The following TMEM244 variants were observed in gnomAD, a reference collection of about 807,000 sequenced individuals.
The protein encoded by TMEM244 is putative transmembrane protein 244.
A neutral mutation model predicts 15.8 loss-of-function variants in TMEM244; 13 were observed. That is an observed-to-expected ratio of 0.82 (90% CI 0.53 to 1.30). The LOEUF is 1.30. Among genes scored for constraint, TMEM244 ranks in the 50% most tolerant of loss-of-function variants. The probability of loss-of-function intolerance (pLI) is 0.00; values close to 1 mark genes in which losing one functional copy is unlikely to be tolerated. For synonymous variants in TMEM244, 45 were observed against 48.7 expected, an observed-to-expected ratio of 0.92 and a Z score of 0.32; for missense variants, 161 against 144.9, an observed-to-expected ratio of 1.11 and a Z score of -0.57.
intron 2 of TMEM244, among the ~76,000 whole-genome samples, chr6:129,845,412 G>T (rs1479407696): frequency 6.6e-6 from 1 of 152,140 alleles, no homozygotes; most frequent in African/African-American, 2.4e-5. Flanking sequence ...AGTCCTAAGT[G>T]ATTCTATCCA....
intron 3 of TMEM244, among the ~76,000 whole-genome samples, chr6:129,837,496 C>T (rs1362906649): frequency 6.6e-6 from 1 of 152,162 alleles, no homozygotes; most frequent in Non-Finnish European, 1.5e-5. Flanking sequence ...ACTTTAGACG[C>T]TATGAAGAAA....
rs1286130070 is a variant in TMEM244, at chr6:129,845,690, AT to A, written c.119+76del. Reference sequence around the variant, plus strand: ...CACATCCTCTAATCCATAAAGACATATGAAATGTTAAATATAAACATCTTTC... The same window carrying A: ...CACATCCTCTAATCCATAAAGACATAGAAATGTTAAATATAAACATCTTTC... On this transcript the variant is annotated intron_variant, in intron 2 of 4. Coordinates refer to ENST00000368143, the MANE Select transcript of TMEM244 (RefSeq NM_001010876.2). 1.9e-5 allele frequency: 20 copies of A among 1,059,386 alleles called. No individual in the cohort carries two copies. In the African/African-American group the frequency reaches 3.0e-4, roughly 16 times the overall value. 65.6% of individuals were successfully genotyped at this position (1,059,386 alleles called of 1,614,324 possible).
chr6:129,851,231 T>C (rs923414398), intron 1 of TMEM244, among the ~76,000 whole-genome samples: 30 of 152,146 alleles, frequency 2.0e-4, no homozygotes, highest in African/African-American at 7.2e-4. Flanking sequence ...CTGCCTCGCC[T>C]CCCACCCAGA....
chr6:129,850,003 A>C (rs1178029558), intron 1 of TMEM244, among the ~76,000 whole-genome samples: 8 of 152,222 alleles, frequency 5.3e-5, no homozygotes, highest in Admixed American at 4.6e-4. Context: ...TTTAATCCTT[A>C]TAAAACTTCT....
At chr6:129,834,909 T>C (rs1186936387) in intron 3 of TMEM244, among the ~76,000 whole-genome samples, 1 of 152,200 alleles carries the variant, frequency 6.6e-6, no homozygotes, top group Non-Finnish European at 1.5e-5. Flanking sequence ...TGTTAGCATT[T>C]AGAGATTTTA....
intron 2 of TMEM244, 115 bp from the exon 3 acceptor site, chr6:129,843,718 A>T: frequency 1.6e-6 from 1 of 606,956 alleles, no homozygotes; most frequent in Non-Finnish European, 2.8e-6. Flanking sequence ...ATTCACCCAC[A>T]TTGTGGCACA....
chr6:129,835,312 C>T (rs1383510231), intron 3 of TMEM244, among the ~76,000 whole-genome samples: 4 of 151,036 alleles, frequency 2.6e-5, no homozygotes, highest in Admixed American at 6.6e-5. Context: ...ATGGGAGGAT[C>T]TCTTGAGTGC....
At chr6:129,858,559 A>G (rs920753500) in intron 1 of TMEM244, among the ~76,000 whole-genome samples, 1 of 152,084 alleles carries the variant, frequency 6.6e-6, no homozygotes, top group Admixed American at 6.6e-5. Context: ...TGCTTCCATA[A>G]TATTATATTT....
At chr6:129,859,086 G>A (rs563642308) in intron 1 of TMEM244, among the ~76,000 whole-genome samples, 7 of 152,166 alleles carry the variant, frequency 4.6e-5, no homozygotes, top group Admixed American at 1.3e-4. Context: ...GAGCCACCAC[G>A]CCTGGCCGGA....
In TMEM244 at chr6:129,861,247, G is replaced by A. The variant is rs868656989; in HGVS notation, c.-59C>T. On this transcript the variant is annotated 5_prime_UTR_variant, in exon 1 of 5. Coordinates refer to ENST00000368143, the MANE Select transcript of TMEM244 (RefSeq NM_001010876.2). ...CCCACTCCTTATAGCGATGACATCT[G>A]GAAGAAGACACAATTGTCACCGTGA... 1.3e-6 allele frequency: 2 copies of A among 1,588,216 alleles called. No homozygotes were observed. Among genetic ancestry groups the A allele is most frequent in the African/African-American group, 1.3e-5 (1 of 74,242 alleles).
At chr6:129,831,781 A>AT (rs1776331835) in intron 4 of TMEM244, among the ~76,000 whole-genome samples, 1 of 152,206 alleles carries the variant, frequency 6.6e-6, no homozygotes. Context: ...TCATTAACTC[A>AT]TAACTTTTCT....
At chr6:129,849,749 T>C (rs921821020) in intron 1 of TMEM244, among the ~76,000 whole-genome samples, 3 of 152,098 alleles carry the variant, frequency 2.0e-5, no homozygotes, top group African/African-American at 7.2e-5. Context: ...TGAGAACTAC[T>C]GATCTGGAGG....
intron 1 of TMEM244, among the ~76,000 whole-genome samples, chr6:129,850,022 G>A (rs1776614869): frequency 6.6e-6 from 1 of 152,202 alleles, no homozygotes; most frequent in Non-Finnish European, 1.5e-5. Context: ...CTGAGTGGTA[G>A]AATCCTTTTT....
Position 129,843,542 on chromosome 6 carries a change from T to A in TMEM244, c.181A>T (p.Ile61Leu), listed in dbSNP as rs763346938. 1 of 1,610,438 alleles carries A rather than the reference T, an allele frequency of 6.2e-7. No homozygotes were observed. The highest frequency in any genetic ancestry group is 8.5e-7 in the Non-Finnish European group (1 of 1,177,078). The change falls in exon 3 of 5, where the codon ATA (isoleucine) becomes TTA (leucine). Residue 61 changes from isoleucine (I) to leucine (L), a missense_variant. By Grantham distance (5) the Ile-to-Leu change is conservative (BLOSUM62 2). Transcript: ENST00000368143. ...DFKTNPSWLNINYKVLLVSTE... is the reference protein window; with the variant it reads ...DFKTNPSWLNLNYKVLLVSTE... ...TTAAAACAATTACCTTTATAGTTTA[T>A]GTTGAGCCATGAGGGATTTGTTTTG...
intron 1 of TMEM244, among the ~76,000 whole-genome samples, chr6:129,860,299 C>T (rs1158467035): frequency 1.3e-5 from 2 of 151,994 alleles, no homozygotes; most frequent in African/African-American, 4.8e-5. Context: ...ACATAAATTA[C>T]GAAGTTTAAT....
At chr6:129,856,080 T>A (rs1300065571) in intron 1 of TMEM244, among the ~76,000 whole-genome samples, 1 of 152,126 alleles carries the variant, frequency 6.6e-6, no homozygotes, top group African/African-American at 2.4e-5. Context: ...ATTTATTATT[T>A]ATTCATTTAT....
rs376089902 is a variant in TMEM244 at position 129,843,496 on chromosome 6, C to A, written c.193+34G>T. ...TATGGGGTTAGTGGCATTTAGTTCACTAATTGATAAGAATTTAAAATTAAA... is the reference window on the plus strand; with the variant it reads ...TATGGGGTTAGTGGCATTTAGTTCAATAATTGATAAGAATTTAAAATTAAA... On this transcript the variant is annotated intron_variant, in intron 3 of 4. Transcript: ENST00000368143. 5.3e-6 allele frequency: 8 copies of A among 1,499,058 alleles called. No homozygotes were observed. In the South Asian group the frequency reaches 8.5e-5, roughly 16 times the overall value. The allele number at this position is 1,499,058 out of a possible 1,614,324, so 92.9% of individuals were successfully genotyped here.
chr6:129,860,107 G>A (rs1776779308), intron 1 of TMEM244, among the ~76,000 whole-genome samples: 1 of 28,426 alleles, frequency 3.5e-5, no homozygotes, highest in African/African-American at 1.3e-4. Flanking sequence ...TGCAATGCGT[G>A]TGTGTGTGTG....
At chr6:129,846,956 C>T (rs1776569123) in intron 1 of TMEM244, among the ~76,000 whole-genome samples, 1 of 152,016 alleles carries the variant, frequency 6.6e-6, no homozygotes, top group African/African-American at 2.4e-5. Context: ...CAAAAAAATC[C>T]CATTAGATTC....
Sources: allele counts gnomAD v4.1 joint callset (sites outside exome capture counted in the v4.1 genomes callset), GRCh38; gene constraint gnomAD v4.1.1; transcripts MANE v1.5; gene names NCBI Gene and HGNC (gene_info 2026-07-23, HGNC 2026-07-21).